Variants in CRIM1 observed in about 807,000 individuals in gnomAD.
CRIM1 encodes cysteine-rich motor neuron 1 protein.
In CRIM1, 32 loss-of-function variants were observed where a neutral mutation model predicts 116.4. The observed-to-expected ratio is 0.27, with a 90% CI of 0.21 to 0.37. The LOEUF (loss-of-function observed/expected upper bound fraction) is 0.37. Among genes scored for constraint, CRIM1 ranks in the 10% least tolerant of loss-of-function variants. The pLI is 1.00. For missense variants in CRIM1, 1,331 were observed against 1,354.8 expected, an observed-to-expected ratio of 0.98 and a Z score of 0.28; for synonymous variants, 590 against 509.2, an observed-to-expected ratio of 1.16 and a Z score of -2.13.
At chr2:36,408,094 A>G (rs1672947831) in intron 2 of CRIM1, among the ~76,000 whole-genome samples, 2 of 152,306 alleles carry the variant, frequency 1.3e-5, no homozygotes, top group South Asian at 4.1e-4. Flanking sequence ...TCTGGGCTTT[A>G]TTTCAGGATT....
chr2:36,547,041 C>T lies in CRIM1; in HGVS notation c.2804C>T (p.Ser935Phe), dbSNP rs1397047985. Residue 935 changes from serine to phenylalanine, a missense_variant, in exon 16 of 17, where the codon TCT becomes TTT. Transcript: ENST00000280527. ...RDNRLHPSED[S>F]SLDSIASVVV... ...AACAGGCTGCACCCAAGTGAAGATTCTTCACTGGACTCCATTGCCTCAGTT... is the reference window on the plus strand; with the variant it reads ...AACAGGCTGCACCCAAGTGAAGATTTTTCACTGGACTCCATTGCCTCAGTT... The T allele has an allele frequency of 3.7e-6, 6 of 1,612,690 alleles. No homozygotes were observed. The highest frequency in any genetic ancestry group is 5.1e-6 in the Non-Finnish European group (6 of 1,178,918).
In CRIM1 at chr2:36,396,735, C is replaced by T; in HGVS notation, c.453C>T (p.Pro151=). The change falls in exon 2 of 17, where the codon CCC becomes CCT. Residue 151 remains proline, a synonymous_variant. Transcript: ENST00000280527. ...ACACCATTCGAACCTGCAGCAATCC[C>T]TTTGAGTTTCCAAGTCAGGATATGT... ...ECNTIRTCSN[P]FEFPSQDMCL... 1.9e-6 allele frequency: 3 copies of T among 1,613,642 alleles called. No homozygotes were observed. The highest frequency in any genetic ancestry group is 2.5e-6 in the Non-Finnish European group (3 of 1,179,584).
At chr2:36,500,354 G>A (rs182021183) in intron 8 of CRIM1, among the ~76,000 whole-genome samples, 209 of 152,152 alleles carry the variant, frequency 1.4e-3, no homozygotes, top group African/African-American at 4.6e-3. Context: ...TCCACAATTT[G>A]GTCTGCTGAA....
intron 2 of CRIM1, among the ~76,000 whole-genome samples, chr2:36,402,390 G>A (rs553801405): frequency 3.6e-5 from 5 of 140,228 alleles, no homozygotes; most frequent in Admixed American, 7.6e-5. Flanking sequence ...TCTAAGGAGA[G>A]AACAAGCTTG....
intron 1 of CRIM1, among the ~76,000 whole-genome samples, chr2:36,364,886 T>C (rs1366778528): frequency 2.6e-5 from 4 of 152,132 alleles, no homozygotes; most frequent in Admixed American, 2.0e-4. Flanking sequence ...TGGTACCAAA[T>C]AGATTTTTTA....
At position 36,513,626 on chromosome 2, in the gene CRIM1, A is replaced by T. The variant is rs760664862; in HGVS notation, c.1851A>T (p.Lys617Asn). The change falls in exon 11 of 17, where the codon AAA becomes AAT. Residue 617 changes from lysine (K) to asparagine (N), a missense_variant. Lys to Asn is a moderately conservative substitution (Grantham distance 94). Transcript: ENST00000280527. Reference protein sequence around the residue: ...TCLTVDGHHHKNEESWHDGCR... With the variant: ...TCLTVDGHHHNNEESWHDGCR... ...TCACCGTGGATGGTCATCATCATAA[A>T]AATGAGGAGAGCTGGCACGATGGGT... The T allele has an allele frequency of 6.2e-6, 10 of 1,614,036 alleles. No individual in the cohort carries two copies. In the South Asian group the frequency reaches 9.9e-5, roughly 16 times the overall value.
chr2:36,490,355 C>T (rs1680138030), intron 7 of CRIM1, among the ~76,000 whole-genome samples: 1 of 152,078 alleles, frequency 6.6e-6, no homozygotes, highest in South Asian at 2.1e-4. Flanking sequence ...TTTCTGGAAG[C>T]CCAGAGAGGT....
At chr2:36,492,618 T>C (rs1311031171) in intron 7 of CRIM1, among the ~76,000 whole-genome samples, 1 of 152,224 alleles carries the variant, frequency 6.6e-6, no homozygotes, top group Non-Finnish European at 1.5e-5. Flanking sequence ...TGACCAGTTA[T>C]GGGTCACATT....
chr2:36,510,267 T>C (rs996991034), intron 9 of CRIM1, 128 bp downstream of exon 9: 24 of 814,976 alleles, frequency 2.9e-5, no homozygotes, highest in African/African-American at 6.9e-5. Flanking sequence ...TCTATACTTG[T>C]TTTGTTAGGT....
At chr2:36,455,567 T>G (rs1372484105) in intron 4 of CRIM1, among the ~76,000 whole-genome samples, 2 of 152,138 alleles carry the variant, frequency 1.3e-5, no homozygotes, top group Non-Finnish European at 2.9e-5. Flanking sequence ...AAGCGTTGGA[T>G]AGGAGACAGA....
chr2:36,471,420 C>T (rs140227504), intron 5 of CRIM1, among the ~76,000 whole-genome samples: 12 of 152,268 alleles, frequency 7.9e-5, no homozygotes, highest in African/African-American at 2.9e-4. Context: ...GAAATTGCCA[C>T]AGCCACCCCA....
At chr2:36,502,199 G>A (rs1017372647) in intron 8 of CRIM1, among the ~76,000 whole-genome samples, 4 of 152,220 alleles carry the variant, frequency 2.6e-5, no homozygotes, top group Non-Finnish European at 4.4e-5. Context: ...CACTTCACAC[G>A]GAATCTTTCA....
At chr2:36,540,998 C>A (rs1336661285) in intron 14 of CRIM1, among the ~76,000 whole-genome samples, 1 of 152,190 alleles carries the variant, frequency 6.6e-6, no homozygotes, top group East Asian at 1.9e-4. Flanking sequence ...GTTAACTCTC[C>A]TTTCTGCATC....
intron 8 of CRIM1, among the ~76,000 whole-genome samples, chr2:36,504,079 G>C (rs1415485427): frequency 6.6e-6 from 1 of 151,972 alleles, no homozygotes; most frequent in African/African-American, 2.4e-5. Flanking sequence ...TTGCCACATT[G>C]TCCAGGCAGG....
In CRIM1 at chr2:36,394,845, C is replaced by T. The variant is rs552795287; in HGVS notation, c.332-1769C>T. On this transcript the variant is annotated intron_variant, in intron 1 of 16. Coordinates refer to ENST00000280527, the MANE Select transcript of CRIM1 (RefSeq NM_016441.3). ...TATTCTCCCTTTTCAAAGGACCGCCCTGAAGCTCTTTATGTAGTAGATGAC... is the reference window on the plus strand; with the variant it reads ...TATTCTCCCTTTTCAAAGGACCGCCTTGAAGCTCTTTATGTAGTAGATGAC... 4.6e-5 allele frequency among the ~76,000 whole-genome samples: 7 copies of T among 152,172 alleles called. No homozygotes were observed. The South Asian group carries it at 1.0e-3, about 23-fold the overall frequency.
At chr2:36,361,878 G>A (rs935789003) in intron 1 of CRIM1, among the ~76,000 whole-genome samples, 1 of 152,142 alleles carries the variant, frequency 6.6e-6, no homozygotes, top group Non-Finnish European at 1.5e-5. Flanking sequence ...TTATTTGAGG[G>A]AGAAACAGTA....
chr2:36,518,312 G>A (rs1156531333), intron 12 of CRIM1, among the ~76,000 whole-genome samples: 2 of 151,974 alleles, frequency 1.3e-5, no homozygotes, highest in East Asian at 3.8e-4. Flanking sequence ...TGTTGTTGTT[G>A]CTTCTTATTC....
At chr2:36,399,581 C>T (rs557437168) in intron 2 of CRIM1, among the ~76,000 whole-genome samples, 170 of 152,144 alleles carry the variant, frequency 1.1e-3, no homozygotes, top group Non-Finnish European at 1.8e-3. Context: ...TGAGGAGTCT[C>T]GTGATAAAAT....
At chr2:36,426,066 A>C (rs1395540801) in intron 2 of CRIM1, among the ~76,000 whole-genome samples, 1 of 152,218 alleles carries the variant, frequency 6.6e-6, no homozygotes, top group Non-Finnish European at 1.5e-5. Flanking sequence ...AGGCCTGGTG[A>C]TGGGAGTGCA....
Sources: allele counts gnomAD v4.1 joint callset (sites outside exome capture counted in the v4.1 genomes callset), GRCh38; gene constraint gnomAD v4.1.1; transcripts MANE v1.5; gene names NCBI Gene and HGNC (gene_info 2026-07-23, HGNC 2026-07-21).